The following CNTN5 variants were observed in gnomAD, a reference collection of about 807,000 sequenced individuals.
CNTN5 encodes the protein contactin 5.
A neutral mutation model predicts 129.1 loss-of-function variants in CNTN5; 77 were observed. The observed-to-expected ratio is 0.60, with a 90% CI of 0.50 to 0.72. CNTN5 has a LOEUF of 0.72. CNTN5 is among the 30% of genes least tolerant of loss of function. The probability of loss-of-function intolerance (pLI) is 0.00; values close to 1 mark genes in which losing one functional copy is unlikely to be tolerated. For missense variants in CNTN5, 1,478 were observed against 1,328.8 expected, an observed-to-expected ratio of 1.11 and a Z score of -1.75; for synonymous variants, 509 against 465.6, an observed-to-expected ratio of 1.09 and a Z score of -1.20.
At chr11:99,744,690 A>G (rs1943995592) in intron 3 of CNTN5, among the ~76,000 whole-genome samples, 1 of 148,918 alleles carries the variant, frequency 6.7e-6, no homozygotes. Flanking sequence ...ACTGCACTAC[A>G]GCCTGGGCAA....
intron 3 of CNTN5, among the ~76,000 whole-genome samples, chr11:99,762,797 G>A (rs1245788450): frequency 1.3e-5 from 2 of 152,120 alleles, no homozygotes; most frequent in African/African-American, 2.4e-5. Flanking sequence ...TTTAATGTCT[G>A]TATCCCTATA....
At chr11:99,111,817 A>C (rs180972119) in intron 1 of CNTN5, among the ~76,000 whole-genome samples, 2 of 152,066 alleles carry the variant, frequency 1.3e-5, no homozygotes, top group African/African-American at 4.8e-5. Flanking sequence ...TGTGAATTCT[A>C]TATTTGTCCT....
intron 2 of CNTN5, among the ~76,000 whole-genome samples, chr11:99,548,112 G>A (rs10501916): frequency 0.089 from 13,461 of 151,968 alleles, 1,195 homozygotes; most frequent in East Asian, 0.34. Context: ...TACTTCTGCA[G>A]TTACTATTTT....
At chr11:100,342,503 C>G (rs527391129) in intron 23 of CNTN5, among the ~76,000 whole-genome samples, 6 of 152,048 alleles carry the variant, frequency 3.9e-5, no homozygotes, top group Non-Finnish European at 8.8e-5. Flanking sequence ...GGTTTAGGTA[C>G]CTTTCAAGTG....
rs146145114 is a variant in CNTN5 at position 99,092,166 on chromosome 11, T to C, written c.-210+70896T>C. Among the ~76,000 whole-genome samples, 232 of 152,294 alleles carry C rather than the reference T, an allele frequency of 1.5e-3. 2 individuals are homozygous for C. The highest frequency in any genetic ancestry group is 4.8e-3 in the African/African-American group (201 of 41,568). On this transcript the variant is annotated intron_variant, in intron 1 of 24. Transcript: ENST00000524871. ...TGCAGACCTATCATAATTGTATGACTTCTTCAGTATTTTAGGTGCAATTTT... is the reference window on the plus strand; with the variant it reads ...TGCAGACCTATCATAATTGTATGACCTCTTCAGTATTTTAGGTGCAATTTT...
At chr11:99,211,831 T>C (rs992122093) in intron 1 of CNTN5, among the ~76,000 whole-genome samples, 3 of 152,292 alleles carry the variant, frequency 2.0e-5, no homozygotes, top group African/African-American at 4.8e-5. Flanking sequence ...AAGACACTTA[T>C]CCTTTTTAAA....
intron 1 of CNTN5, among the ~76,000 whole-genome samples, chr11:99,077,780 C>T (rs186901389): frequency 1.4e-4 from 21 of 152,232 alleles, no homozygotes; most frequent in African/African-American, 5.1e-4. Flanking sequence ...GGGGCACTTC[C>T]CCGTTTGCTA....
intron 2 of CNTN5, among the ~76,000 whole-genome samples, chr11:99,358,723 T>C (rs1938890116): frequency 6.6e-6 from 1 of 152,162 alleles, no homozygotes; most frequent in African/African-American, 2.4e-5. Context: ...GACATACATT[T>C]ATTTTTACCA....
At chr11:99,130,225 T>C (rs1018290054) in intron 1 of CNTN5, among the ~76,000 whole-genome samples, 5 of 152,152 alleles carry the variant, frequency 3.3e-5, no homozygotes, top group Non-Finnish European at 7.4e-5. Flanking sequence ...ACACATCTCA[T>C]GTGCAGAGAT....
intron 3 of CNTN5, among the ~76,000 whole-genome samples, chr11:99,632,273 T>C (rs1951386833): frequency 6.6e-6 from 1 of 152,180 alleles, no homozygotes; most frequent in African/African-American, 2.4e-5. Context: ...TTATATACTG[T>C]AAATGTTCAT....
intron 1 of CNTN5, among the ~76,000 whole-genome samples, chr11:99,092,647 T>C (rs188695555): frequency 1.2e-3 from 186 of 152,192 alleles, no homozygotes; most frequent in African/African-American, 4.2e-3. Flanking sequence ...AAGTATAGAA[T>C]ACTATGAAGT....
intron 3 of CNTN5, among the ~76,000 whole-genome samples, chr11:99,579,211 C>A (rs1262389970): frequency 6.6e-6 from 1 of 152,198 alleles, no homozygotes; most frequent in South Asian, 2.1e-4. Flanking sequence ...GTACCAGTAC[C>A]ATGCTGTTTT....
intron 1 of CNTN5, among the ~76,000 whole-genome samples, chr11:99,260,492 GGAA>G (rs534125650): frequency 1.4e-4 from 22 of 151,786 alleles, no homozygotes; most frequent in African/African-American, 4.8e-4. Context: ...AATATCTCTT[GGAA>G]GTTTACAATC....
chr11:99,867,255 C>T (rs1257313292), intron 6 of CNTN5, among the ~76,000 whole-genome samples: 1 of 152,158 alleles, frequency 6.6e-6, no homozygotes, highest in Non-Finnish European at 1.5e-5. Flanking sequence ...AGGAAAGAAG[C>T]AGCATAAGGA....
At chr11:100,088,599 T>G (rs1273307443) in intron 13 of CNTN5, among the ~76,000 whole-genome samples, 1 of 152,064 alleles carries the variant, frequency 6.6e-6, no homozygotes, top group Admixed American at 6.6e-5. Flanking sequence ...TCAGAGACTA[T>G]TATGAACACC....
chr11:100,131,705 C>T (rs184770900), intron 13 of CNTN5, among the ~76,000 whole-genome samples: 252 of 151,984 alleles, frequency 1.7e-3, no homozygotes, highest in African/African-American at 5.6e-3. Context: ...AAAATAAAGC[C>T]AAAGGAAAAG....
At chr11:99,140,211 A>T (rs1591263415) in intron 1 of CNTN5, among the ~76,000 whole-genome samples, 1 of 152,142 alleles carries the variant, frequency 6.6e-6, no homozygotes, top group African/African-American at 2.4e-5. Context: ...ATATCTTTTT[A>T]AAAAATTCCA....
At chr11:99,213,116 G>C (rs543403752) in intron 1 of CNTN5, among the ~76,000 whole-genome samples, 1 of 151,478 alleles carries the variant, frequency 6.6e-6, no homozygotes, top group South Asian at 2.1e-4. Context: ...GCTTGAACCC[G>C]GGAGGCGGAG....
At chr11:100,202,815 TCC>T (rs1332095794) in intron 15 of CNTN5, among the ~76,000 whole-genome samples, 3 of 151,946 alleles carry the variant, frequency 2.0e-5, no homozygotes, top group African/African-American at 7.2e-5. Context: ...GTAAAGGTCC[TCC>T]CTAATGAAGA....
Sources: gnomAD v4.1 joint callset for allele counts (sites outside exome capture counted in the v4.1 genomes callset) on GRCh38, gnomAD v4.1.1 for gene constraint, MANE v1.5 for transcripts, NCBI Gene and HGNC (gene_info 2026-07-23, HGNC 2026-07-21) for gene names.